The following UNC5C variants were observed in gnomAD, a reference collection of about 807,000 sequenced individuals.
UNC5C encodes the protein netrin receptor UNC5C.
In UNC5C, 47 loss-of-function variants were observed where a neutral mutation model predicts 99.8. That is an observed-to-expected ratio of 0.47 (90% confidence interval 0.37 to 0.60). UNC5C has a LOEUF of 0.60. Among genes scored for constraint, UNC5C ranks in the 20% least tolerant of loss-of-function variants. The probability of loss-of-function intolerance (pLI) is 0.00; values close to 1 mark genes in which losing one functional copy is unlikely to be tolerated. For missense variants in UNC5C, 1,062 were observed against 1,165.9 expected (o/e 0.91, Z 1.30); for synonymous variants, 487 against 452.2 (o/e 1.08, Z -0.98).
intron 7 of UNC5C, among the ~76,000 whole-genome samples, chr4:95,239,079 C>A (rs962621368): frequency 3.3e-5 from 5 of 152,162 alleles, no homozygotes; most frequent in Non-Finnish European, 7.3e-5. Flanking sequence ...TTACAGTGGA[C>A]AATTTTCTTG....
chr4:95,276,520 A>G lies in UNC5C; in HGVS notation c.594+1739T>C, dbSNP rs918915842. ...CCCCCCACCTAAAGTCTTTGCAAGG[A>G]TCAGTTACCTTTTAGAAGCCCTGAG... On this transcript the variant is annotated intron_variant, in intron 4 of 15. Transcript: ENST00000453304. Among the ~76,000 whole-genome samples, 10 of 152,304 alleles carry G rather than the reference A, an allele frequency of 6.6e-5. 1 individual carries two copies. The highest frequency in any genetic ancestry group is 1.9e-4 in the African/African-American group (8 of 41,564).
intron 1 of UNC5C, among the ~76,000 whole-genome samples, chr4:95,429,373 A>G (rs999203156): frequency 2.0e-5 from 3 of 151,696 alleles, no homozygotes; most frequent in Admixed American, 6.6e-5. Flanking sequence ...TCTGTACTAT[A>G]TTAAGTACAC....
chr4:95,178,571 A>C (rs1033141493), intron 14 of UNC5C, among the ~76,000 whole-genome samples: 8 of 152,250 alleles, frequency 5.3e-5, no homozygotes, highest in Non-Finnish European at 1.5e-5. Flanking sequence ...TGTTGAAATG[A>C]GAGAAAATAT....
chr4:95,265,384 C>G (rs1740406081), intron 4 of UNC5C, among the ~76,000 whole-genome samples: 1 of 152,188 alleles, frequency 6.6e-6, no homozygotes, highest in African/African-American at 2.4e-5. Context: ...GGCCTTCTCT[C>G]TATAAACTTT....
intron 6 of UNC5C, among the ~76,000 whole-genome samples, chr4:95,243,663 T>C (rs547597932): frequency 1.3e-5 from 2 of 152,322 alleles, no homozygotes; most frequent in East Asian, 1.9e-4. Context: ...ATTCAAATTA[T>C]TATGTAAATA....
At chr4:95,417,141 C>T (rs552206198) in intron 1 of UNC5C, among the ~76,000 whole-genome samples, 20 of 152,260 alleles carry the variant, frequency 1.3e-4, no homozygotes, top group African/African-American at 4.6e-4. Flanking sequence ...TTTTCTTGCT[C>T]TTACATATAT....
At chr4:95,230,824 G>C (rs1258506847) in intron 7 of UNC5C, among the ~76,000 whole-genome samples, 2 of 151,760 alleles carry the variant, frequency 1.3e-5, no homozygotes, top group Non-Finnish European at 2.9e-5. Context: ...ACTCATCTGT[G>C]GATGTTGGGA....
intron 12 of UNC5C, among the ~76,000 whole-genome samples, chr4:95,197,306 T>C (rs1737471402): frequency 6.6e-6 from 1 of 151,844 alleles, no homozygotes; most frequent in Non-Finnish European, 1.5e-5. Context: ...TCCACTGGGC[T>C]TCTATCTCTG....
At chr4:95,398,321 T>A (rs900358863) in intron 1 of UNC5C, among the ~76,000 whole-genome samples, 3 of 152,066 alleles carry the variant, frequency 2.0e-5, no homozygotes, top group Non-Finnish European at 4.4e-5. Flanking sequence ...CAAGAAACCA[T>A]CATCCCTTGA....
chr4:95,372,219 G>A lies in UNC5C; in HGVS notation c.125-36588C>T, dbSNP rs780850167. On this transcript the variant is annotated intron_variant, in intron 1 of 15. Coordinates refer to ENST00000453304, the MANE Select transcript of UNC5C (RefSeq NM_003728.4). ...GAGAAGAAATTCACTAAATATGCCC[G>A]TATTTCATCTTTTGAATATCAAGGT... Among the ~76,000 whole-genome samples, 90 of 152,240 alleles carry A rather than the reference G, an allele frequency of 5.9e-4. 1 individual carries two copies. Among genetic ancestry groups the A allele is most frequent in the Non-Finnish European group, 8.8e-4 (60 of 68,020 alleles).
At chr4:95,246,248 T>C (rs1739497968) in intron 5 of UNC5C, among the ~76,000 whole-genome samples, 1 of 152,168 alleles carries the variant, frequency 6.6e-6, no homozygotes, top group Admixed American at 6.6e-5. Context: ...AAAGTGATAC[T>C]GTAGAAGGCT....
In UNC5C at chr4:95,417,858, A is replaced by G. The variant is rs1397523905; in HGVS notation, c.125-82227T>C. On this transcript the variant is annotated intron_variant, in intron 1 of 15. Coordinates refer to ENST00000453304, the MANE Select transcript of UNC5C (RefSeq NM_003728.4). ...GTTCTCAAACACAATTAAAACAACT[A>G]TATATGAACACAGATAATACAAAGC... is the stretch of plus-strand genomic sequence containing the variant. Among the ~76,000 whole-genome samples the G allele has an allele frequency of 4.6e-5, 7 of 152,224 alleles. No homozygotes were observed. In the South Asian group the frequency reaches 8.3e-4, roughly 18 times the overall value.
intron 5 of UNC5C, chr4:95,247,969 G>A (rs1340663123): frequency 6.6e-6 from 1 of 152,262 alleles, no homozygotes; most frequent in Non-Finnish European, 1.5e-5. Context: ...ACATTTTATT[G>A]TGATTTAAGA....
At chr4:95,177,483 G>A (rs1265100029) in intron 14 of UNC5C, among the ~76,000 whole-genome samples, 1 of 152,178 alleles carries the variant, frequency 6.6e-6, no homozygotes, top group Non-Finnish European at 1.5e-5. Context: ...AGGCGGTGAG[G>A]TTGCAACTGC....
At chr4:95,529,429 T>C (rs1303286923) in intron 1 of UNC5C, among the ~76,000 whole-genome samples, 1 of 151,036 alleles carries the variant, frequency 6.6e-6, no homozygotes, top group Non-Finnish European at 1.5e-5. Context: ...TATCCTCATA[T>C]AAATTTTAGA....
At chr4:95,238,210 T>C (rs894441033) in intron 7 of UNC5C, among the ~76,000 whole-genome samples, 1 of 152,194 alleles carries the variant, frequency 6.6e-6, no homozygotes, top group African/African-American at 2.4e-5. Flanking sequence ...GTGAGTTTAA[T>C]TCATTTACAT....
intron 2 of UNC5C, among the ~76,000 whole-genome samples, chr4:95,318,855 A>C (rs1742573393): frequency 6.6e-6 from 1 of 152,242 alleles, no homozygotes; most frequent in African/African-American, 2.4e-5. Context: ...AGAAAGCAGG[A>C]GCTCTATCCA....
At chr4:95,256,695 A>AATAAATATATATATAT (rs1739999274) in intron 4 of UNC5C, among the ~76,000 whole-genome samples, 2 of 110,868 alleles carry the variant, frequency 1.8e-5, no homozygotes, top group Non-Finnish European at 3.5e-5. Context: ...GACAGAACTA[A>AATAAATATATATATAT]ATAAATATAT....
chr4:95,372,703 T>C (rs1744782038), intron 1 of UNC5C, among the ~76,000 whole-genome samples: 1 of 152,108 alleles, frequency 6.6e-6, no homozygotes, highest in South Asian at 2.1e-4. Context: ...ACAATAGAAA[T>C]AGATATAAAA....
Sources: allele counts gnomAD v4.1 joint callset (sites outside exome capture counted in the v4.1 genomes callset), GRCh38; gene constraint gnomAD v4.1.1; transcripts MANE v1.5; gene names NCBI Gene and HGNC (gene_info 2026-07-23, HGNC 2026-07-21).